Variants in RPS6KC1 observed in about 807,000 individuals in gnomAD.
The protein encoded by RPS6KC1 is ribosomal protein S6 kinase C1.
A neutral mutation model predicts 103.8 loss-of-function variants in RPS6KC1; 54 were observed. The observed-to-expected ratio is 0.52, with a 90% confidence interval of 0.42 to 0.65. RPS6KC1 has a LOEUF of 0.65. RPS6KC1 is among the 30% of genes least tolerant of loss of function. The pLI is 0.00. For missense variants in RPS6KC1, 1,151 were observed against 1,253.8 expected (o/e 0.92, Z 1.24); for synonymous variants, 439 against 438.7 (o/e 1.00, Z -0.01).
intron 6 of RPS6KC1, among the ~76,000 whole-genome samples, chr1:213,157,409 G>A (rs566443287): frequency 6.6e-6 from 1 of 151,950 alleles, no homozygotes; most frequent in South Asian, 2.1e-4. Context: ...GGGTTTCACC[G>A]TGTTAGCCAG....
At chr1:213,759,830 A>G in the RPS6KC1 span, among the ~76,000 whole-genome samples, 1 of 152,184 alleles carries the variant, frequency 6.6e-6, no homozygotes, top group African/African-American at 2.4e-5. Context: ...TCAAGGCTCC[A>G]TCTTCCCCTC....
At chr1:213,699,864 CAA>C in the RPS6KC1 span, among the ~76,000 whole-genome samples, 3 of 152,090 alleles carry the variant, frequency 2.0e-5, no homozygotes, top group Admixed American at 6.6e-5. Flanking sequence ...AATGTCTATT[CAA>C]ATCTTTTGCC....
At chr1:213,849,467 A>G in the RPS6KC1 span, among the ~76,000 whole-genome samples, 4 of 152,184 alleles carry the variant, frequency 2.6e-5, no homozygotes. Context: ...CTAAGTTCTT[A>G]ATTATACTAG....
At chr1:213,067,043 T>C (rs1358474088) in intron 1 of RPS6KC1, among the ~76,000 whole-genome samples, 1 of 152,172 alleles carries the variant, frequency 6.6e-6, no homozygotes, top group Non-Finnish European at 1.5e-5. Context: ...CAGCCATTTG[T>C]CTTTTAACTA....
intron 14 of RPS6KC1, among the ~76,000 whole-genome samples, chr1:213,267,774 A>G (rs1333435741): frequency 6.6e-6 from 1 of 152,016 alleles, no homozygotes; most frequent in Non-Finnish European, 1.5e-5. Flanking sequence ...TAATACAATG[A>G]CTGACATGAA....
chr1:213,363,670 CTT>C, the RPS6KC1 span, among the ~76,000 whole-genome samples: 11 of 102,028 alleles, frequency 1.1e-4, no homozygotes, highest in South Asian at 1.7e-3. Context: ...TTCTTTCTTT[CTT>C]TCTTTCTTTC....
At chr1:213,745,380 G>T in the RPS6KC1 span, among the ~76,000 whole-genome samples, 3 of 148,016 alleles carry the variant, frequency 2.0e-5, no homozygotes, top group Non-Finnish European at 4.4e-5. Flanking sequence ...GAATCAAAAC[G>T]CCTCTCTGGT....
At chr1:213,057,496 C>G (rs1451589463) in intron 1 of RPS6KC1, among the ~76,000 whole-genome samples, 1 of 152,126 alleles carries the variant, frequency 6.6e-6, no homozygotes, top group Non-Finnish European at 1.5e-5. Context: ...TCCCCCTACT[C>G]CTTATACCCT....
At chr1:213,062,590 C>T (rs1316593511) in intron 1 of RPS6KC1, among the ~76,000 whole-genome samples, 1 of 151,452 alleles carries the variant, frequency 6.6e-6, no homozygotes, top group East Asian at 1.9e-4. Flanking sequence ...CGGAGTCTCG[C>T]TCTGTCACCA....
the RPS6KC1 span, among the ~76,000 whole-genome samples, chr1:213,512,540 G>A: frequency 6.6e-6 from 1 of 152,170 alleles, no homozygotes; most frequent in African/African-American, 2.4e-5. Context: ...TAGCCCATTA[G>A]TCGACAGTTA....
At chr1:213,721,205 G>A in the RPS6KC1 span, among the ~76,000 whole-genome samples, 3 of 152,160 alleles carry the variant, frequency 2.0e-5, no homozygotes, top group Admixed American at 6.5e-5. Flanking sequence ...GGGTATTAGA[G>A]GCAAATTGTA....
At chr1:213,301,682 G>C in the RPS6KC1 span, among the ~76,000 whole-genome samples, 25 of 151,492 alleles carry the variant, frequency 1.7e-4, no homozygotes, top group Admixed American at 2.6e-4. Context: ...CTAGGTGACA[G>C]AGCAAGACCC....
the RPS6KC1 span, among the ~76,000 whole-genome samples, chr1:213,620,098 T>C: frequency 6.6e-6 from 1 of 152,262 alleles, no homozygotes; most frequent in Non-Finnish European, 1.5e-5. Flanking sequence ...CCTGATGTTC[T>C]GTTAGGTTGT....
chr1:213,257,920 C>T (rs2094690244), intron 12 of RPS6KC1, among the ~76,000 whole-genome samples: 1 of 148,878 alleles, frequency 6.7e-6, no homozygotes, highest in Non-Finnish European at 1.5e-5. Context: ...CCTCCTATCT[C>T]AGCCTCCCAA....
chr1:213,301,709 ATT>A, the RPS6KC1 span, among the ~76,000 whole-genome samples: 5 of 136,120 alleles, frequency 3.7e-5, no homozygotes, highest in African/African-American at 1.6e-4. Flanking sequence ...TTATTTATTT[ATT>A]TATTTATTTA....
the RPS6KC1 span, among the ~76,000 whole-genome samples, chr1:213,411,871 T>G: frequency 6.6e-6 from 1 of 152,204 alleles, no homozygotes; most frequent in Non-Finnish European, 1.5e-5. Context: ...TTCTGGCTGC[T>G]GCACCAATGG....
chr1:213,595,036 A>G, the RPS6KC1 span, among the ~76,000 whole-genome samples: 1 of 152,204 alleles, frequency 6.6e-6, no homozygotes, highest in Admixed American at 6.5e-5. Flanking sequence ...TTCCAGAACA[A>G]TACTTCTTTA....
chr1:213,304,306 A>T, the RPS6KC1 span, among the ~76,000 whole-genome samples: 2 of 152,058 alleles, frequency 1.3e-5, no homozygotes, highest in Non-Finnish European at 2.9e-5. Flanking sequence ...AAGCCTCATT[A>T]CAAATGTATT....
the RPS6KC1 span, chr1:213,492,183 A>C: frequency 6.6e-6 from 1 of 152,280 alleles, no homozygotes; most frequent in Non-Finnish European, 1.5e-5. Flanking sequence ...CAGACTCCCA[A>C]AGTAAAACTT....
Sources: allele counts gnomAD v4.1 joint callset (sites outside exome capture counted in the v4.1 genomes callset), GRCh38; gene constraint gnomAD v4.1.1; transcripts MANE v1.5; gene names NCBI Gene and HGNC (gene_info 2026-07-23, HGNC 2026-07-21).